SPACA7: variants seen among roughly 807,000 people sequenced by gnomAD.
SPACA7 encodes the protein sperm acrosome-associated protein 7.
In SPACA7, 19 loss-of-function variants were observed where a neutral mutation model predicts 26.3. That is an observed-to-expected ratio of 0.72 (90% confidence interval 0.50 to 1.06). SPACA7 has a LOEUF of 1.06. Among genes scored for constraint, SPACA7 ranks in the 50% least tolerant of loss-of-function variants. The pLI is 0.00. For synonymous variants in SPACA7, 84 were observed against 84.5 expected, an observed-to-expected ratio of 0.99 and a Z score of 0.04; for missense variants, 211 against 229.9, an observed-to-expected ratio of 0.92 and a Z score of 0.53.
At chr13:112,383,094 GAA>G (rs1477359098) in intron 1 of SPACA7, among the ~76,000 whole-genome samples, 530 of 51,668 alleles carry the variant, frequency 0.01, 2 homozygotes, top group African/African-American at 0.029. Context: ...AAGAAAGAAA[GAA>G]AGAAGAAAGA....
At chr13:112,430,742 C>T (rs1439665155) in intron 5 of SPACA7, among the ~76,000 whole-genome samples, 2 of 152,096 alleles carry the variant, frequency 1.3e-5, no homozygotes, top group Non-Finnish European at 2.9e-5. Context: ...GCCCTATAGT[C>T]GAATGAAACC....
intron 1 of SPACA7, among the ~76,000 whole-genome samples, chr13:112,388,172 A>C (rs1440844514): frequency 6.6e-6 from 1 of 152,210 alleles, no homozygotes. Context: ...AGGCCTTCCA[A>C]ATCAGATCCC....
chr13:112,411,672 A>C (rs1301569308), intron 5 of SPACA7, among the ~76,000 whole-genome samples: 1 of 152,112 alleles, frequency 6.6e-6, no homozygotes, highest in African/African-American at 2.4e-5. Flanking sequence ...TAGCTCCAAC[A>C]TATGAGTGAG....
At chr13:112,386,590 T>C (rs971314228) in intron 1 of SPACA7, among the ~76,000 whole-genome samples, 21 of 152,068 alleles carry the variant, frequency 1.4e-4, no homozygotes, top group Non-Finnish European at 2.2e-4. Flanking sequence ...GGGCCTCTCA[T>C]GTGTGCCTTA....
At position 112,429,269 on chromosome 13, in the gene SPACA7, AG is replaced by A. The variant is rs199596949; in HGVS notation, c.446-3173del. Among the ~76,000 whole-genome samples, 832 of 152,116 alleles carry A rather than the reference AG, an allele frequency of 5.5e-3. 25 individuals are homozygous for A. Among genetic ancestry groups the A allele is most frequent in the Admixed American group, 0.05 (760 of 15,286 alleles). ...CACACACTTGTAGTTTCAGCTACTCAGGAGGCTGAGGCAGGAGGATGGCTTT... is the reference window on the plus strand; with the variant it reads ...CACACACTTGTAGTTTCAGCTACTCAGAGGCTGAGGCAGGAGGATGGCTTT... On this transcript the variant is annotated intron_variant, in intron 5 of 6. Transcript: ENST00000283550.
intron 5 of SPACA7, among the ~76,000 whole-genome samples, chr13:112,423,935 T>C (rs1293907520): frequency 6.6e-6 from 1 of 152,198 alleles, no homozygotes; most frequent in Non-Finnish European, 1.5e-5. Flanking sequence ...TGGCTATCAA[T>C]GTAGAATTCC....
At chr13:112,404,053 C>T (rs116912328) in intron 5 of SPACA7, among the ~76,000 whole-genome samples, 161 of 152,238 alleles carry the variant, frequency 1.1e-3, no homozygotes, top group Admixed American at 1.5e-3. Flanking sequence ...AGTGGAGAAG[C>T]ATTCCCTTTT....
intron 5 of SPACA7, among the ~76,000 whole-genome samples, chr13:112,404,275 T>C (rs1291452162): frequency 6.6e-6 from 1 of 152,234 alleles, no homozygotes; most frequent in Admixed American, 6.5e-5. Flanking sequence ...TGGGATTGTT[T>C]GTTTTTTCTT....
At chr13:112,403,413 C>G (rs1197331093) in intron 5 of SPACA7, among the ~76,000 whole-genome samples, 3 of 151,934 alleles carry the variant, frequency 2.0e-5, no homozygotes, top group Non-Finnish European at 2.9e-5. Flanking sequence ...ATCGTTTTTT[C>G]TGAAATCCAG....
At chr13:112,409,132 T>C (rs1404053329) in intron 5 of SPACA7, among the ~76,000 whole-genome samples, 1 of 152,204 alleles carries the variant, frequency 6.6e-6, no homozygotes, top group Non-Finnish European at 1.5e-5. Flanking sequence ...CCCTATTTAA[T>C]AAATGGTGCT....
chr13:112,430,168 C>CTGTGTGTGTGTGTGTGTGTG (rs1471577074), intron 5 of SPACA7, among the ~76,000 whole-genome samples: 19 of 115,952 alleles, frequency 1.6e-4, no homozygotes, highest in African/African-American at 7.2e-4. Flanking sequence ...CCTTGCATCT[C>CTGTGTGTGTGTGTGTGTGTG]TCTCTCTGTG....
intron 5 of SPACA7, among the ~76,000 whole-genome samples, chr13:112,430,170 C>G (rs139954680): frequency 0.28 from 32,177 of 113,206 alleles, 3,710 homozygotes; most frequent in Middle Eastern, 0.3. Flanking sequence ...TTGCATCTCT[C>G]TCTCTGTGTG....
At chr13:112,433,697 C>T (rs1877427572) in intron 6 of SPACA7, among the ~76,000 whole-genome samples, 1 of 151,746 alleles carries the variant, frequency 6.6e-6, no homozygotes, top group South Asian at 2.1e-4. Flanking sequence ...GGCCCCCAGC[C>T]CCCCAAGTTC....
intron 1 of SPACA7, among the ~76,000 whole-genome samples, chr13:112,380,818 C>T (rs1884008579): frequency 6.6e-6 from 1 of 152,176 alleles, no homozygotes; most frequent in Non-Finnish European, 1.5e-5. Flanking sequence ...CTCATTATTT[C>T]CAATAGTTTT....
At chr13:112,379,686 G>A (rs1367016174) in intron 1 of SPACA7, among the ~76,000 whole-genome samples, 1 of 152,144 alleles carries the variant, frequency 6.6e-6, no homozygotes, top group Non-Finnish European at 1.5e-5. Context: ...ATCAAATAAA[G>A]CTAATTAGTT....
At chr13:112,377,655 A>C (rs1883778596) in intron 1 of SPACA7, among the ~76,000 whole-genome samples, 1 of 152,204 alleles carries the variant, frequency 6.6e-6, no homozygotes, top group African/African-American at 2.4e-5. Context: ...AAGCAGACAA[A>C]AGCAGAAGCT....
intron 5 of SPACA7, among the ~76,000 whole-genome samples, chr13:112,402,602 G>A (rs1164718679): frequency 1.3e-5 from 2 of 152,126 alleles, no homozygotes; most frequent in African/African-American, 2.4e-5. Context: ...TTCTTGCCTT[G>A]TTCATGGCCT....
In SPACA7 at chr13:112,434,512, G is replaced by A. The variant is rs2035313868; in HGVS notation, c.551G>A (p.Arg184Lys). 1 of 1,610,684 alleles carries A rather than the reference G, an allele frequency of 6.2e-7. No homozygotes were observed. Among genetic ancestry groups the A allele is most frequent in the Non-Finnish European group, 8.5e-7 (1 of 1,178,718 alleles). Reference protein sequence around the residue: ...SGNIFHKEQQRTSAQRRSQGS... With the variant: ...SGNIFHKEQQKTSAQRRSQGS... ...AACATTTTCCATAAAGAGCAGCAGA[G>A]GACCAGCGCACAGAGGAGGAGCCAA... The change falls in exon 7 of 7, where the codon AGG becomes AAG. Residue 184 changes from arginine (R) to lysine (K), a missense_variant. Physicochemically the swap from Arg to Lys is conservative, Grantham distance 26 (BLOSUM62 2). Coordinates refer to ENST00000283550, the MANE Select transcript of SPACA7 (RefSeq NM_145248.5).
chr13:112,381,705 T>G lies in SPACA7; in HGVS notation c.94+5226T>G, dbSNP rs575526058. On this transcript the variant is annotated intron_variant, in intron 1 of 6. Coordinates refer to ENST00000283550, the MANE Select transcript of SPACA7 (RefSeq NM_145248.5). The stretch of plus-strand genomic sequence containing the variant: ...GGGAAACAGAGTTTTTACGGATAAC[T>G]TTGTGGGTGGAGGGAAGCCAGTGAG... 5.9e-5 allele frequency among the ~76,000 whole-genome samples: 9 copies of G among 152,272 alleles called. No homozygotes were observed. The East Asian group carries it at 1.7e-3, about 29-fold the overall frequency.
Sources: allele counts gnomAD v4.1 joint callset (sites outside exome capture counted in the v4.1 genomes callset), GRCh38; gene constraint gnomAD v4.1.1; transcripts MANE v1.5; gene names NCBI Gene and HGNC (gene_info 2026-07-23, HGNC 2026-07-21).